RBFOX1: variants seen among roughly 807,000 people sequenced by gnomAD.
RBFOX1 encodes RNA binding fox-1 homolog 1, also known as RNA binding protein fox-1 homolog 1.
In RBFOX1, 8 loss-of-function variants were observed where a neutral mutation model predicts 57.7. The ratio of observed to expected loss-of-function variants is 0.14; its 90% confidence interval spans 0.08 to 0.25. The LOEUF is 0.25. Ranked by LOEUF, RBFOX1 falls within the 10% of genes least tolerant of loss-of-function variation. The pLI, the probability that RBFOX1 is intolerant of heterozygous loss-of-function variation, is 1.00. For synonymous variants in RBFOX1, 326 were observed against 222.4 expected (o/e 1.47, Z -4.15); for missense variants, 611 against 548.5 (o/e 1.11, Z -1.14).
At chr16:6,988,666 C>T (rs566718559) in intron 3 of RBFOX1, among the ~76,000 whole-genome samples, 1 of 151,592 alleles carries the variant, frequency 6.6e-6, no homozygotes, top group African/African-American at 2.4e-5. Context: ...TCTGCCTCAG[C>T]CTCAGCCTCA....
rs2061237353 is a variant in RBFOX1 at position 6,697,545 on chromosome 16, G to T, written c.-16+42895G>T. On this transcript the variant is annotated intron_variant, in intron 3 of 15. Coordinates refer to ENST00000550418, the MANE Select transcript of RBFOX1 (RefSeq NM_018723.4). ...CTGCTTTCCATTGTGTGATCACATG[G>T]TCCATTCTCACTGGAGCAGCTTGAG... Among the ~76,000 whole-genome samples the T allele has an allele frequency of 5.9e-5, 9 of 152,286 alleles. No individual in the cohort carries two copies. In the South Asian group the frequency reaches 1.9e-3, roughly 32 times the overall value.
intron 4 of RBFOX1, among the ~76,000 whole-genome samples, chr16:7,165,838 A>C (rs1374980166): frequency 2.0e-5 from 3 of 151,940 alleles, no homozygotes; most frequent in Non-Finnish European, 4.4e-5. Context: ...CCAGGAATGA[A>C]GAGATGGATG....
chr16:5,855,343 C>T (rs2056997910), intron 3 of RBFOX1, among the ~76,000 whole-genome samples: 1 of 152,146 alleles, frequency 6.6e-6, no homozygotes, highest in Non-Finnish European at 1.5e-5. Context: ...CTTTTGGTAA[C>T]CTTACGGTTC....
intron 1 of RBFOX1, among the ~76,000 whole-genome samples, chr16:5,256,900 C>G (rs2062603190): frequency 6.6e-6 from 1 of 151,708 alleles, no homozygotes; most frequent in Non-Finnish European, 1.5e-5. Flanking sequence ...CGCCACTGCA[C>G]TCCAGCCTGA....
At chr16:6,650,565 C>G (rs537288355) in intron 2 of RBFOX1, among the ~76,000 whole-genome samples, 10 of 152,202 alleles carry the variant, frequency 6.6e-5, no homozygotes, top group South Asian at 4.1e-4. Context: ...AGAGACAGTA[C>G]GAAAAACACC....
intron 1 of RBFOX1, among the ~76,000 whole-genome samples, chr16:5,386,375 A>G (rs1360377050): frequency 1.3e-5 from 2 of 152,030 alleles, no homozygotes. Flanking sequence ...GAAAAGGTAG[A>G]CGGCCTCAGG....
intron 3 of RBFOX1, among the ~76,000 whole-genome samples, chr16:5,835,114 A>G (rs1409870275): frequency 6.6e-6 from 1 of 151,896 alleles, no homozygotes; most frequent in Non-Finnish European, 1.5e-5. Flanking sequence ...CTGTGTCATT[A>G]TATAGGACCC....
intron 4 of RBFOX1, among the ~76,000 whole-genome samples, chr16:7,335,839 A>C (rs546469452): frequency 6.6e-6 from 1 of 152,102 alleles, no homozygotes; most frequent in Non-Finnish European, 1.5e-5. Flanking sequence ...TTATGTCTAC[A>C]CTTGTTGTGT....
chr16:7,020,065 A>C (rs13332966), intron 3 of RBFOX1, among the ~76,000 whole-genome samples: 2 of 149,630 alleles, frequency 1.3e-5, no homozygotes, highest in Admixed American at 6.7e-5. Context: ...TGAACCTTTC[A>C]TGTCTTCCTG....
intron 4 of RBFOX1, among the ~76,000 whole-genome samples, chr16:7,429,858 C>G (rs561512022): frequency 6.6e-6 from 1 of 152,142 alleles, no homozygotes; most frequent in Non-Finnish European, 1.5e-5. Flanking sequence ...TTGAGATATA[C>G]TATGTATTGC....
chr16:6,890,092 C>G (rs1054213026), intron 3 of RBFOX1, among the ~76,000 whole-genome samples: 9 of 151,870 alleles, frequency 5.9e-5, no homozygotes, highest in Admixed American at 1.3e-4. Context: ...GTGTTTAGCA[C>G]AAAGAGTACA....
chr16:6,246,724 G>A (rs746610525), intron 1 of RBFOX1, among the ~76,000 whole-genome samples: 1 of 152,200 alleles, frequency 6.6e-6, no homozygotes, highest in Non-Finnish European at 1.5e-5. Context: ...TGGATAGGGA[G>A]CGTTTGTCCA....
intron 2 of RBFOX1, among the ~76,000 whole-genome samples, chr16:6,485,348 A>C (rs1225691156): frequency 6.7e-6 from 1 of 149,200 alleles, no homozygotes; most frequent in Non-Finnish European, 1.5e-5. Context: ...TCCCTCTCTT[A>C]CCCCTCTTCT....
At chr16:7,626,441 G>A (rs2060083852) in intron 10 of RBFOX1, among the ~76,000 whole-genome samples, 1 of 152,200 alleles carries the variant, frequency 6.6e-6, no homozygotes, top group African/African-American at 2.4e-5. Flanking sequence ...GGGACATCTT[G>A]CCAGGTTGTG....
intron 11 of RBFOX1, among the ~76,000 whole-genome samples, chr16:7,649,651 G>A (rs1051998843): frequency 6.6e-6 from 1 of 152,146 alleles, no homozygotes; most frequent in African/African-American, 2.4e-5. Flanking sequence ...TACTCTCCCA[G>A]AAGGAAGACA....
intron 4 of RBFOX1, among the ~76,000 whole-genome samples, chr16:7,357,657 C>T (rs986692927): frequency 5.3e-5 from 8 of 152,234 alleles, no homozygotes; most frequent in South Asian, 2.1e-4. Flanking sequence ...CAGTCTCTTG[C>T]GCAGGACTTT....
rs937077846 is a variant in RBFOX1, at chr16:5,684,239, C to G, written c.318+85278C>G. 7.2e-5 allele frequency among the ~76,000 whole-genome samples: 11 copies of G among 152,202 alleles called. No individual in the cohort carries two copies. In the South Asian group the frequency reaches 2.1e-3, roughly 29 times the overall value. On this transcript the variant is annotated intron_variant, in intron 3 of 19. Transcript: ENST00000641259. ...GCTGACAGGATTGTAGGTTGGTATG[C>G]TCTCTTTGCAGAACAAGTTGGCAGA...
At chr16:6,750,327 A>G (rs2074677679) in intron 3 of RBFOX1, among the ~76,000 whole-genome samples, 1 of 152,212 alleles carries the variant, frequency 6.6e-6, no homozygotes, top group African/African-American at 2.4e-5. Context: ...AATGGGTCAT[A>G]GAGAGGAGCT....
intron 10 of RBFOX1, among the ~76,000 whole-genome samples, chr16:7,619,352 GC>G (rs1352354381): frequency 6.6e-6 from 1 of 152,032 alleles, no homozygotes; most frequent in Non-Finnish European, 1.5e-5. Flanking sequence ...TTTGTTTTTA[GC>G]CATAGCAGGG....
Sources: allele counts gnomAD v4.1 joint callset (sites outside exome capture counted in the v4.1 genomes callset), GRCh38; gene constraint gnomAD v4.1.1; transcripts MANE v1.5; gene names NCBI Gene and HGNC (gene_info 2026-07-23, HGNC 2026-07-21).